The following RBMS3 variants were observed in gnomAD, a reference collection of about 807,000 sequenced individuals.
RBMS3 encodes the protein RNA binding motif single stranded interacting protein 3, also known as RNA-binding motif, single-stranded-interacting protein 3.
RBMS3 carries 27 observed loss-of-function variants against 66.8 expected under a neutral mutation model. That is an observed-to-expected ratio of 0.40 (90% CI 0.30 to 0.56). The LOEUF (loss-of-function observed/expected upper bound fraction) is 0.56, where lower values mean the gene tolerates loss of function less well. RBMS3 is among the 20% of genes least tolerant of loss of function. RBMS3 has a pLI of 0.40. For synonymous variants in RBMS3, 188 were observed against 183.0 expected (o/e 1.03, Z -0.22); for missense variants, 513 against 549.5 (o/e 0.93, Z 0.66).
At chr3:29,916,150 G>A (rs9816728) in intron 10 of RBMS3, among the ~76,000 whole-genome samples, 3,836 of 152,056 alleles carry the variant, frequency 0.025, 66 homozygotes, top group African/African-American at 0.054. Flanking sequence ...TACAGCATTG[G>A]TTTCCTAGCA....
intron 4 of RBMS3, among the ~76,000 whole-genome samples, chr3:29,705,135 A>G (rs886782493): frequency 1.3e-5 from 2 of 152,200 alleles, no homozygotes; most frequent in African/African-American, 4.8e-5. Context: ...GTGAATAACA[A>G]TCCTATTACA....
intron 1 of RBMS3, among the ~76,000 whole-genome samples, chr3:29,323,276 T>G (rs925507930): frequency 3.5e-5 from 4 of 114,476 alleles, no homozygotes; most frequent in African/African-American, 1.3e-4. Flanking sequence ...GGTATGTACT[T>G]TAGCTTATTT....
At chr3:29,894,720 A>G (rs2060085814) in intron 8 of RBMS3, among the ~76,000 whole-genome samples, 1 of 151,558 alleles carries the variant, frequency 6.6e-6, no homozygotes, top group Non-Finnish European at 1.5e-5. Context: ...TTACCACTTC[A>G]GATAGTGATA....
At chr3:30,003,806 T>C in intron 14 of RBMS3, 50 bp from the exon 15 acceptor site, 1 of 1,336,178 alleles carries the variant, frequency 7.5e-7, no homozygotes, top group Non-Finnish European at 9.8e-7. Context: ...AGAAGGTGAT[T>C]TCAAAGTTAC....
intron 3 of RBMS3, among the ~76,000 whole-genome samples, chr3:29,532,658 G>A (rs1331401971): frequency 6.6e-6 from 1 of 152,082 alleles, no homozygotes; most frequent in African/African-American, 2.4e-5. Flanking sequence ...GAGCTTAGGA[G>A]TTCCAGGTTA....
intron 4 of RBMS3, among the ~76,000 whole-genome samples, chr3:29,692,907 A>G (rs971153186): frequency 2.6e-4 from 40 of 152,296 alleles, no homozygotes; most frequent in African/African-American, 9.4e-4. Context: ...AAAAATGTAC[A>G]TTGTGCTCAT....
At chr3:29,707,598 C>T (rs1352570634) in intron 4 of RBMS3, among the ~76,000 whole-genome samples, 1 of 152,176 alleles carries the variant, frequency 6.6e-6, no homozygotes, top group Non-Finnish European at 1.5e-5. Flanking sequence ...GACAGTTTTT[C>T]TGTCTTTTCC....
intron 6 of RBMS3, among the ~76,000 whole-genome samples, chr3:29,850,242 T>C (rs2058897617): frequency 6.6e-6 from 1 of 152,242 alleles, no homozygotes; most frequent in African/African-American, 2.4e-5. Context: ...CTTGCTGTTC[T>C]GTTAGTTTCT....
intron 3 of RBMS3, among the ~76,000 whole-genome samples, chr3:29,514,974 A>G (rs188695626): frequency 7.9e-5 from 12 of 152,196 alleles, no homozygotes; most frequent in African/African-American, 2.9e-4. Flanking sequence ...CATTTCACAG[A>G]TGAGGGTAAT....
At chr3:29,982,340 AT>A (rs1267797172) in intron 12 of RBMS3, among the ~76,000 whole-genome samples, 2 of 151,918 alleles carry the variant, frequency 1.3e-5, no homozygotes, top group African/African-American at 4.8e-5. Flanking sequence ...CTAATAGTCT[AT>A]TTTGTTAATC....
intron 2 of RBMS3, among the ~76,000 whole-genome samples, chr3:29,475,678 G>A (rs917857159): frequency 1.3e-5 from 2 of 151,984 alleles, no homozygotes; most frequent in East Asian, 1.9e-4. Context: ...CATCATAAAC[G>A]TATAAAGCAC....
chr3:29,601,673 A>C (rs1306543862), intron 4 of RBMS3, among the ~76,000 whole-genome samples: 1 of 152,062 alleles, frequency 6.6e-6, no homozygotes, highest in East Asian at 1.9e-4. Flanking sequence ...CTGTGCAAAT[A>C]ATTTCTAATT....
chr3:29,330,670 A>G (rs1053910288), intron 1 of RBMS3, among the ~76,000 whole-genome samples: 4 of 152,080 alleles, frequency 2.6e-5, no homozygotes, highest in African/African-American at 9.7e-5. Flanking sequence ...TATGTTCTCT[A>G]AATATTGAAG....
intron 4 of RBMS3, among the ~76,000 whole-genome samples, chr3:29,642,283 G>A (rs904368168): frequency 2.6e-5 from 4 of 151,838 alleles, no homozygotes; most frequent in African/African-American, 9.7e-5. Flanking sequence ...TTTACACCCA[G>A]GTTTCTCAGC....
chr3:29,564,004 CAAA>C (rs549817111), intron 3 of RBMS3, among the ~76,000 whole-genome samples: 1 of 72,900 alleles, frequency 1.4e-5, no homozygotes. Flanking sequence ...GAGATGCTGT[CAAA>C]AAAAAAAAAA....
chr3:29,360,252 G>C (rs1271757741), intron 1 of RBMS3, among the ~76,000 whole-genome samples: 1 of 151,840 alleles, frequency 6.6e-6, no homozygotes, highest in Non-Finnish European at 1.5e-5. Context: ...TTGTGTCTTT[G>C]TTCTCGTTGG....
chr3:29,330,427 A>G (rs2035584684), intron 1 of RBMS3, among the ~76,000 whole-genome samples: 1 of 152,170 alleles, frequency 6.6e-6, no homozygotes, highest in African/African-American at 2.4e-5. Flanking sequence ...AAACTAAACT[A>G]CTTTATCTAA....
intron 2 of RBMS3, among the ~76,000 whole-genome samples, chr3:29,456,917 A>C (rs1017544860): frequency 6.6e-6 from 1 of 152,208 alleles, no homozygotes; most frequent in African/African-American, 2.4e-5. Context: ...AAGTACTGTG[A>C]TAAAGATTGA....
At chr3:29,391,737 ACTTT>A (rs2039306131) in intron 1 of RBMS3, among the ~76,000 whole-genome samples, 1 of 152,188 alleles carries the variant, frequency 6.6e-6, no homozygotes, top group African/African-American at 2.4e-5. Flanking sequence ...TGCAGTCTCT[ACTTT>A]CTTATCTGTA....
Sources: allele counts gnomAD v4.1 joint callset (sites outside exome capture counted in the v4.1 genomes callset), GRCh38; gene constraint gnomAD v4.1.1; transcripts MANE v1.5; gene names NCBI Gene and HGNC (gene_info 2026-07-23, HGNC 2026-07-21).